Variants in PHACTR1 observed in about 807,000 individuals in gnomAD.
The protein encoded by PHACTR1 is phosphatase and actin regulator 1, also known as RPEL repeat containing 1.
PHACTR1 carries 16 observed loss-of-function variants against 69.2 expected under a neutral mutation model. The ratio of observed to expected loss-of-function variants is 0.23; its 90% CI spans 0.16 to 0.35. PHACTR1 has a LOEUF of 0.35. Among genes scored for constraint, PHACTR1 ranks in the 10% least tolerant of loss-of-function variants. The pLI is 1.00. For synonymous variants in PHACTR1, 312 were observed against 284.5 expected, an observed-to-expected ratio of 1.10 and a Z score of -0.97; for missense variants, 510 against 734.7, an observed-to-expected ratio of 0.69 and a Z score of 3.54.
intron 4 of PHACTR1, among the ~76,000 whole-genome samples, chr6:12,793,954 C>T (rs1258954104): frequency 6.6e-6 from 1 of 152,132 alleles, no homozygotes; most frequent in African/African-American, 2.4e-5. Flanking sequence ...AACAAAATGC[C>T]AGGCACTCCG....
intron 10 of PHACTR1, among the ~76,000 whole-genome samples, chr6:13,252,296 C>G (rs1406663390): frequency 6.9e-6 from 1 of 145,698 alleles, no homozygotes; most frequent in Non-Finnish European, 1.5e-5. Context: ...CCACTGCAGT[C>G]CAGCCTGAGC....
At chr6:12,838,766 A>T (rs577322343) in intron 4 of PHACTR1, among the ~76,000 whole-genome samples, 1 of 152,276 alleles carries the variant, frequency 6.6e-6, no homozygotes, top group South Asian at 2.1e-4. Flanking sequence ...TGTTCCCCTA[A>T]GTATGGTTAA....
chr6:12,736,056 A>G (rs1309957577), intron 3 of PHACTR1, among the ~76,000 whole-genome samples: 1 of 152,238 alleles, frequency 6.6e-6, no homozygotes, highest in Non-Finnish European at 1.5e-5. Flanking sequence ...AGATGTACTA[A>G]TAACATTTCC....
intron 4 of PHACTR1, among the ~76,000 whole-genome samples, chr6:12,827,170 TTCTA>T (rs2127720679): frequency 6.6e-6 from 1 of 152,350 alleles, no homozygotes; most frequent in East Asian, 1.9e-4. Context: ...AAAGGACTTT[TTCTA>T]TCTTTTACTT....
chr6:13,161,926 G>A (rs1233670419), intron 6 of PHACTR1, among the ~76,000 whole-genome samples: 1 of 152,160 alleles, frequency 6.6e-6, no homozygotes, highest in East Asian at 1.9e-4. Context: ...ACCTCCTGGG[G>A]TCAAGCAAGC....
chr6:13,032,727 C>T lies in PHACTR1; in HGVS notation c.251-20638C>T, dbSNP rs114232217. Among the ~76,000 whole-genome samples the T allele has an allele frequency of 8.8e-3, 1,332 of 152,064 alleles. 13 individuals carry two copies. Among genetic ancestry groups the T allele is most frequent in the Non-Finnish European group, 0.015 (1,023 of 67,988 alleles). On this transcript the variant is annotated intron_variant, in intron 4 of 14. Transcript: ENST00000332995. ...GAACTCTGAGCTTAGGTGATCCTCCCGCCTCGGCCTCACGAGGACTATAGG... is the reference window on the plus strand; with the variant it reads ...GAACTCTGAGCTTAGGTGATCCTCCTGCCTCGGCCTCACGAGGACTATAGG...
intron 4 of PHACTR1, among the ~76,000 whole-genome samples, chr6:12,761,116 A>AT (rs748949233): frequency 1.1e-4 from 16 of 152,220 alleles, no homozygotes; most frequent in Non-Finnish European, 1.8e-4. Flanking sequence ...TAACGTGTGG[A>AT]TAACACTTTC....
intron 5 of PHACTR1, among the ~76,000 whole-genome samples, chr6:13,095,948 G>T (rs1001227224): frequency 2.6e-5 from 4 of 151,992 alleles, no homozygotes; most frequent in African/African-American, 9.7e-5. Context: ...TAGCAGGGTG[G>T]TCCCTTTTGA....
At chr6:13,218,048 C>T (rs1333428646) in intron 8 of PHACTR1, among the ~76,000 whole-genome samples, 1 of 152,196 alleles carries the variant, frequency 6.6e-6, no homozygotes, top group Non-Finnish European at 1.5e-5. Flanking sequence ...TAAATTTTCT[C>T]TGTCCTTTGA....
intron 4 of PHACTR1, among the ~76,000 whole-genome samples, chr6:12,761,614 A>G (rs1423612605): frequency 6.6e-6 from 1 of 152,194 alleles, no homozygotes; most frequent in Non-Finnish European, 1.5e-5. Context: ...AAGCAACTGT[A>G]CTTCCTACTA....
chr6:12,933,573 T>C (rs968615613), intron 4 of PHACTR1: 1 of 1,591,938 alleles, frequency 6.3e-7, no homozygotes, highest in Admixed American at 1.7e-5. Flanking sequence ...CTTCTTGTTA[T>C]CTCTTTGTTA....
At chr6:13,227,156 A>G (rs1231609956) in intron 8 of PHACTR1, among the ~76,000 whole-genome samples, 1 of 152,202 alleles carries the variant, frequency 6.6e-6, no homozygotes, top group Non-Finnish European at 1.5e-5. Flanking sequence ...CCAGACTGGC[A>G]TTACCTGTGG....
At chr6:12,918,568 C>A (rs185290008) in intron 4 of PHACTR1, among the ~76,000 whole-genome samples, 2 of 152,244 alleles carry the variant, frequency 1.3e-5, no homozygotes, top group African/African-American at 4.8e-5. Flanking sequence ...GTTTCATTAG[C>A]ATGTAGAGGT....
intron 4 of PHACTR1, among the ~76,000 whole-genome samples, chr6:12,838,116 A>G (rs977367086): frequency 2.0e-5 from 3 of 152,256 alleles, no homozygotes; most frequent in South Asian, 4.1e-4. Context: ...TACTAGCTGC[A>G]TTAACCAGCA....
intron 4 of PHACTR1, among the ~76,000 whole-genome samples, chr6:12,944,999 G>C (rs974235502): frequency 1.3e-5 from 2 of 151,976 alleles, no homozygotes; most frequent in Admixed American, 1.3e-4. Context: ...AGCCAGGATG[G>C]TCTCGATCTC....
chr6:12,799,161 G>A (rs928784761), intron 4 of PHACTR1, among the ~76,000 whole-genome samples: 7 of 152,154 alleles, frequency 4.6e-5, no homozygotes, highest in Non-Finnish European at 1.0e-4. Flanking sequence ...TCTGTGGAGC[G>A]TGTTTGGTAC....
At chr6:13,262,378 A>G (rs1357680355) in intron 10 of PHACTR1, among the ~76,000 whole-genome samples, 1 of 152,180 alleles carries the variant, frequency 6.6e-6, no homozygotes, top group Non-Finnish European at 1.5e-5. Context: ...AGTACAAGAC[A>G]GCAGTTAGAA....
At chr6:13,120,217 C>T (rs1818485227) in intron 5 of PHACTR1, among the ~76,000 whole-genome samples, 1 of 152,190 alleles carries the variant, frequency 6.6e-6, no homozygotes. Flanking sequence ...TCCTTTCCTC[C>T]TTCTTCCTTT....
At chr6:12,989,880 GGA>G (rs1254752907) in intron 4 of PHACTR1, among the ~76,000 whole-genome samples, 2 of 152,156 alleles carry the variant, frequency 1.3e-5, no homozygotes, top group African/African-American at 4.8e-5. Flanking sequence ...TTAACTTATT[GGA>G]GAGTAGCTAG....
Sources: gnomAD v4.1 joint callset for allele counts (sites outside exome capture counted in the v4.1 genomes callset) on GRCh38, gnomAD v4.1.1 for gene constraint, MANE v1.5 for transcripts, NCBI Gene and HGNC (gene_info 2026-07-23, HGNC 2026-07-21) for gene names.